Variants in ZNF407 observed in about 807,000 individuals in gnomAD.
ZNF407 encodes the protein zinc finger protein 407.
ZNF407 carries 17 observed loss-of-function variants against 131.2 expected under a neutral mutation model. The ratio of observed to expected loss-of-function variants is 0.13; its 90% CI spans 0.09 to 0.19. The LOEUF (loss-of-function observed/expected upper bound fraction) is 0.19, where lower values mean the gene tolerates loss of function less well. ZNF407 is among the 10% of genes least tolerant of loss of function. The pLI, the probability that ZNF407 is intolerant of heterozygous loss-of-function variation, is 1.00. For missense variants in ZNF407, 2,681 were observed against 2,830.6 expected, an observed-to-expected ratio of 0.95 and a Z score of 1.20; for synonymous variants, 1,156 against 1,062.0, an observed-to-expected ratio of 1.09 and a Z score of -1.72.
intron 3 of ZNF407, among the ~76,000 whole-genome samples, chr18:74,718,366 G>GA (rs573206555): frequency 3.6e-4 from 54 of 150,192 alleles, no homozygotes; most frequent in South Asian, 8.5e-4. Flanking sequence ...TTACAAAAAG[G>GA]AAAAAAAAAT....
Position 75,048,103 on chromosome 18 carries a change from A to G in ZNF407, c.5429-15047A>G, listed in dbSNP as rs1229951479. On this transcript the variant is annotated intron_variant, in intron 8 of 8. Coordinates refer to ENST00000299687, the MANE Select transcript of ZNF407 (RefSeq NM_017757.3). This position sits in a 1 kb window ranked among gnomAD's most constrained non-coding sequence, Gnocchi z 4.1. ...ACTCGTTAACCACGTGCTCAAGAGGAAAATGACCAGAATCATAGACTCAGA... is the reference window on the plus strand; with the variant it reads ...ACTCGTTAACCACGTGCTCAAGAGGGAAATGACCAGAATCATAGACTCAGA... Among the ~76,000 whole-genome samples, 3 of 152,200 alleles carry G rather than the reference A, an allele frequency of 2.0e-5. No homozygotes were observed. The highest frequency in any genetic ancestry group is 7.2e-5 in the African/African-American group (3 of 41,448).
intron 8 of ZNF407, among the ~76,000 whole-genome samples, chr18:75,021,050 T>C (rs903466074): frequency 2.0e-5 from 3 of 152,036 alleles, no homozygotes; most frequent in African/African-American, 7.2e-5. Context: ...GTAGATACCA[T>C]CCTCCCCTTT....
chr18:74,823,428 A>G (rs777710212), intron 4 of ZNF407, among the ~76,000 whole-genome samples: 1 of 152,232 alleles, frequency 6.6e-6, no homozygotes, highest in Non-Finnish European at 1.5e-5. Flanking sequence ...AGTTGGATGC[A>G]GAGTCAAGAC....
intron 3 of ZNF407, among the ~76,000 whole-genome samples, chr18:74,673,657 G>A (rs183203290): frequency 4.6e-4 from 70 of 152,280 alleles, no homozygotes; most frequent in Middle Eastern, 3.4e-3. Context: ...GATCACCCAT[G>A]CATTTCTTTG....
intron 3 of ZNF407, among the ~76,000 whole-genome samples, chr18:74,661,337 C>T (rs945413663): frequency 1.3e-5 from 2 of 150,134 alleles, no homozygotes; most frequent in African/African-American, 4.9e-5. Flanking sequence ...GCTTAGTAAC[C>T]TGACTTTAAG....
intron 8 of ZNF407, among the ~76,000 whole-genome samples, chr18:74,947,073 A>C (rs1180300372): frequency 1.3e-5 from 2 of 152,192 alleles, no homozygotes; most frequent in African/African-American, 4.8e-5. Context: ...ATTGTGGAGA[A>C]ACCTAACAGA....
At chr18:74,728,428 A>G (rs1178345746) in intron 3 of ZNF407, among the ~76,000 whole-genome samples, 1 of 152,222 alleles carries the variant, frequency 6.6e-6, no homozygotes, top group Non-Finnish European at 1.5e-5. Flanking sequence ...TGCTGGCAGC[A>G]TGACACAAGG....
intron 3 of ZNF407, among the ~76,000 whole-genome samples, chr18:74,733,526 C>T (rs1184135403): frequency 6.6e-6 from 1 of 151,958 alleles, no homozygotes; most frequent in African/African-American, 2.4e-5. Context: ...AGAAAAGTTG[C>T]AGTCTAAAAA....
intron 4 of ZNF407, among the ~76,000 whole-genome samples, chr18:74,783,389 A>C (rs1014096498): frequency 6.6e-6 from 1 of 152,146 alleles, no homozygotes; most frequent in Non-Finnish European, 1.5e-5. Context: ...TTTGGTTTTT[A>C]CTTAGAAATT....
chr18:74,688,166 C>T (rs1967139047), intron 3 of ZNF407, among the ~76,000 whole-genome samples: 1 of 152,250 alleles, frequency 6.6e-6, no homozygotes, highest in Admixed American at 6.5e-5. Flanking sequence ...TAGTTATGCT[C>T]TCAGCAGTCA....
chr18:74,939,248 G>T (rs1202734760), intron 8 of ZNF407, among the ~76,000 whole-genome samples: 1 of 152,020 alleles, frequency 6.6e-6, no homozygotes, highest in African/African-American at 2.4e-5. Context: ...GAAATCTCAA[G>T]AATAGAAATA....
At chr18:74,962,350 A>G (rs967735509) in intron 8 of ZNF407, among the ~76,000 whole-genome samples, 8 of 152,254 alleles carry the variant, frequency 5.3e-5, no homozygotes, top group African/African-American at 1.9e-4. Context: ...ATTCAGCATG[A>G]TATAATGTCA....
intron 8 of ZNF407, among the ~76,000 whole-genome samples, chr18:74,925,939 C>T (rs1164613270): frequency 2.0e-5 from 3 of 152,272 alleles, no homozygotes; most frequent in South Asian, 4.1e-4. Flanking sequence ...TAATTTTCAG[C>T]CTCTCCTCTC....
chr18:75,063,341 G>A lies in ZNF407; in HGVS notation c.5620G>A (p.Gly1874Arg), dbSNP rs768732882. 5.6e-6 allele frequency: 9 copies of A among 1,613,038 alleles called. No homozygotes were observed. Among genetic ancestry groups the A allele is most frequent in the South Asian group, 2.2e-5 (2 of 91,046 alleles). ...GGTCATCATCTTCCAGGGCTACGAC[G>A]GGGAGTTTGCCCTGGACCCCTCGGT... Reference protein sequence around the residue: ...QQVIIFQGYDGEFALDPSVEE... With the variant: ...QQVIIFQGYDREFALDPSVEE... The change falls in exon 9 of 9, where the codon GGG becomes AGG. Residue 1874 changes from glycine (G) to arginine (R), a missense_variant. Transcript: ENST00000299687. This position sits in a 1 kb window ranked among gnomAD's most constrained non-coding sequence, Gnocchi z 6.6.
At chr18:74,817,473 T>C (rs1970282755) in intron 4 of ZNF407, among the ~76,000 whole-genome samples, 1 of 152,220 alleles carries the variant, frequency 6.6e-6, no homozygotes, top group Non-Finnish European at 1.5e-5. Context: ...CAATCTTCAG[T>C]CAATTTAGAA....
intron 4 of ZNF407, among the ~76,000 whole-genome samples, chr18:74,856,779 G>T (rs1250295172): frequency 6.6e-6 from 1 of 152,166 alleles, no homozygotes; most frequent in Non-Finnish European, 1.5e-5. Flanking sequence ...AGAGCAGTTT[G>T]TACTATATAA....
intron 8 of ZNF407, among the ~76,000 whole-genome samples, chr18:75,057,161 A>C (rs1973571332): frequency 2.0e-5 from 3 of 152,204 alleles, no homozygotes; most frequent in African/African-American, 7.2e-5. Context: ...AAGTACATCC[A>C]GTGTCTGAGA....
intron 8 of ZNF407, among the ~76,000 whole-genome samples, chr18:74,995,821 T>C (rs1422516598): frequency 6.6e-6 from 1 of 152,198 alleles, no homozygotes; most frequent in African/African-American, 2.4e-5. Flanking sequence ...TAGACAACTT[T>C]GTGTTAGATC....
intron 1 of ZNF407, among the ~76,000 whole-genome samples, chr18:74,614,810 T>G (rs1379759374): frequency 1.3e-5 from 2 of 152,214 alleles, no homozygotes; most frequent in African/African-American, 4.8e-5. Flanking sequence ...GTTGCATTTC[T>G]GAGAAAAAGG....
Sources: gnomAD v4.1 joint callset for allele counts (sites outside exome capture counted in the v4.1 genomes callset) on GRCh38, gnomAD v4.1.1 for gene constraint, Gnocchi (gnomAD v3.1) non-coding constraint, MANE v1.5 for transcripts, NCBI Gene and HGNC (gene_info 2026-07-23, HGNC 2026-07-21) for gene names.